The following WWOX variants were observed in gnomAD, a reference collection of about 807,000 sequenced individuals.
WWOX encodes WW domain containing oxidoreductase.
WWOX carries 69 observed loss-of-function variants against 46.2 expected under a neutral mutation model. That is an observed-to-expected ratio of 1.49 (90% CI 1.23 to 1.82). The LOEUF is 1.82. Ranked by LOEUF, WWOX falls within the 40% of genes most tolerant of loss-of-function variation. The pLI is 0.00. For missense variants in WWOX, 919 were observed against 542.6 expected, an observed-to-expected ratio of 1.69 and a Z score of -6.89; for synonymous variants, 359 against 202.6, an observed-to-expected ratio of 1.77 and a Z score of -6.56.
chr16:78,852,509 G>T (rs113625010), intron 8 of WWOX, among the ~76,000 whole-genome samples: 3 of 152,306 alleles, frequency 2.0e-5, no homozygotes, highest in Non-Finnish European at 2.9e-5. Context: ...CTTGTTGGAA[G>T]CAGTTCCTCC....
chr16:78,109,762 C>G lies in WWOX; in HGVS notation c.173-16C>G. On this transcript the variant is annotated splice_polypyrimidine_tract_variant and intron_variant, in intron 2 of 8. Coordinates refer to ENST00000566780, the MANE Select transcript of WWOX (RefSeq NM_016373.4). Reference sequence around the variant, plus strand: ...TTCTCCCTGGCACCTGTAGACCTGTCTTTCTTGTGTTTCAGATTTGCCATA... The same window carrying G: ...TTCTCCCTGGCACCTGTAGACCTGTGTTTCTTGTGTTTCAGATTTGCCATA... 1 of 1,614,044 alleles carries G rather than the reference C, an allele frequency of 6.2e-7. No homozygotes were observed. Among genetic ancestry groups the G allele is most frequent in the Non-Finnish European group, 8.5e-7 (1 of 1,180,006 alleles).
chr16:78,275,909 C>T (rs928380991), intron 5 of WWOX, among the ~76,000 whole-genome samples: 7 of 151,962 alleles, frequency 4.6e-5, no homozygotes, highest in African/African-American at 1.4e-4. Context: ...GAGGAGTGCA[C>T]TGGGAGGGGA....
intron 8 of WWOX, among the ~76,000 whole-genome samples, chr16:79,175,849 C>G (rs1205392195): frequency 2.0e-5 from 3 of 152,222 alleles, no homozygotes; most frequent in Admixed American, 6.5e-5. Flanking sequence ...CTGCTCCCCA[C>G]TCCCCTAATT....
chr16:79,004,226 C>G (rs903969498), intron 8 of WWOX: 3 of 152,214 alleles, frequency 2.0e-5, no homozygotes, highest in Non-Finnish European at 2.9e-5. Context: ...AGAACCACAT[C>G]TAGCAATAGA....
At chr16:78,439,131 G>A (rs1237848574) in intron 8 of WWOX, among the ~76,000 whole-genome samples, 1 of 152,200 alleles carries the variant, frequency 6.6e-6, no homozygotes, top group Non-Finnish European at 1.5e-5. Context: ...GTACATTGGT[G>A]TATCACATAC....
intron 8 of WWOX, among the ~76,000 whole-genome samples, chr16:78,621,424 A>G (rs1485114554): frequency 6.7e-6 from 1 of 150,230 alleles, no homozygotes; most frequent in African/African-American, 2.5e-5. Flanking sequence ...TAACTGATTT[A>G]TTTTTCCCTC....
chr16:79,007,032 G>T (rs573479966), intron 8 of WWOX, among the ~76,000 whole-genome samples: 9 of 152,216 alleles, frequency 5.9e-5, no homozygotes, highest in South Asian at 2.1e-4. Flanking sequence ...TGGGATGGGG[G>T]TATCTCTAGG....
intron 1 of WWOX, among the ~76,000 whole-genome samples, chr16:78,103,034 C>G (rs538198030): frequency 6.6e-6 from 1 of 152,202 alleles, no homozygotes; most frequent in African/African-American, 2.4e-5. Context: ...CAGGCTTGCC[C>G]TGGAGCCTGG....
intron 8 of WWOX, chr16:78,898,381 A>G (rs895181669): frequency 2.0e-5 from 3 of 152,102 alleles, no homozygotes; most frequent in Admixed American, 1.3e-4. Flanking sequence ...TTGTTCTAGC[A>G]CTATTTGTTC....
At chr16:78,896,034 T>C (rs2044693484) in intron 8 of WWOX, 1 of 152,190 alleles carries the variant, frequency 6.6e-6, no homozygotes, top group Non-Finnish European at 1.5e-5. Flanking sequence ...TTAAATTTCC[T>C]TTTCACAGAT....
chr16:78,377,870 G>C (rs925382628), intron 5 of WWOX, among the ~76,000 whole-genome samples: 34 of 152,244 alleles, frequency 2.2e-4, no homozygotes, highest in Admixed American at 2.1e-3. Flanking sequence ...ATTACCTATA[G>C]ATATTGACAC....
At chr16:78,690,195 C>T (rs1235677035) in intron 8 of WWOX, among the ~76,000 whole-genome samples, 1 of 152,058 alleles carries the variant, frequency 6.6e-6, no homozygotes, top group Non-Finnish European at 1.5e-5. Flanking sequence ...CTCCACACTG[C>T]CAACTTTTTG....
chr16:78,697,621 T>C (rs1430671156), intron 8 of WWOX, among the ~76,000 whole-genome samples: 2 of 152,090 alleles, frequency 1.3e-5, no homozygotes, highest in African/African-American at 4.8e-5. Flanking sequence ...CAAAAGAAGA[T>C]ACACAAATGA....
intron 8 of WWOX, among the ~76,000 whole-genome samples, chr16:78,543,688 A>C (rs1054095194): frequency 2.0e-5 from 3 of 152,210 alleles, no homozygotes; most frequent in Non-Finnish European, 4.4e-5. Flanking sequence ...TATAAGACCC[A>C]AGACCTTAAC....
intron 8 of WWOX, among the ~76,000 whole-genome samples, chr16:78,449,890 G>C (rs974898200): frequency 6.7e-6 from 1 of 149,078 alleles, no homozygotes; most frequent in East Asian, 2.0e-4. Flanking sequence ...TAGCCAGAAA[G>C]CGTGAACTTT....
chr16:78,700,057 G>T (rs141659735), intron 8 of WWOX, among the ~76,000 whole-genome samples: 326 of 152,152 alleles, frequency 2.1e-3, no homozygotes, highest in African/African-American at 7.4e-3. Flanking sequence ...GGCTCTTGAT[G>T]CTGGCTACAC....
At position 78,189,606 on chromosome 16, in the gene WWOX, C is replaced by A. The variant is rs562724401; in HGVS notation, c.516+25317C>A. On this transcript the variant is annotated intron_variant, in intron 5 of 8. Transcript: ENST00000566780. ...CAAGTAGTTAACAGCCAGTGGCTAT[C>A]ATAATAATGGCACCTAAACAAATCC... Among the ~76,000 whole-genome samples, 5 of 152,292 alleles carry A rather than the reference C, an allele frequency of 3.3e-5. No homozygotes were observed. In the South Asian group the frequency reaches 1.0e-3, roughly 32 times the overall value.
chr16:78,594,445 C>T (rs1007586373), intron 8 of WWOX, among the ~76,000 whole-genome samples: 3 of 84,260 alleles, frequency 3.6e-5, no homozygotes, highest in African/African-American at 4.5e-5. Flanking sequence ...CCCCCCCCCC[C>T]GCCAAATTGT....
chr16:78,749,905 C>G (rs929383884), intron 8 of WWOX, among the ~76,000 whole-genome samples: 1 of 152,090 alleles, frequency 6.6e-6, no homozygotes, highest in Admixed American at 6.6e-5. Context: ...TGAGGGTCCT[C>G]AAAATAGAAG....
Sources: gnomAD v4.1 joint callset for allele counts (sites outside exome capture counted in the v4.1 genomes callset) on GRCh38, gnomAD v4.1.1 for gene constraint, MANE v1.5 for transcripts, NCBI Gene and HGNC (gene_info 2026-07-23, HGNC 2026-07-21) for gene names.